The following ARRB1 variants were observed in gnomAD, a reference collection of about 807,000 sequenced individuals.
ARRB1 encodes the protein beta-arrestin-1.
In ARRB1, 21 loss-of-function variants were observed where a neutral mutation model predicts 56.8. That is an observed-to-expected ratio of 0.37 (90% CI 0.26 to 0.53). The LOEUF is 0.53. Among genes scored for constraint, ARRB1 ranks in the 20% least tolerant of loss-of-function variants. The pLI is 0.88. For synonymous variants in ARRB1, 210 were observed against 218.6 expected (o/e 0.96, Z 0.35); for missense variants, 424 against 553.7 (o/e 0.77, Z 2.35).
At chr11:75,317,037 C>T (rs1947277402) in intron 1 of ARRB1, among the ~76,000 whole-genome samples, 1 of 152,148 alleles carries the variant, frequency 6.6e-6, no homozygotes, top group Non-Finnish European at 1.5e-5. Flanking sequence ...CTACTGCCCT[C>T]CAGCCTGGGC....
chr11:75,325,378 G>A (rs1421143055), intron 1 of ARRB1, among the ~76,000 whole-genome samples: 2 of 152,226 alleles, frequency 1.3e-5, no homozygotes, highest in Non-Finnish European at 2.9e-5. Flanking sequence ...CTGGAGTGCA[G>A]TGGCACAATC....
At chr11:75,299,589 G>A (rs771944920) in intron 1 of ARRB1, among the ~76,000 whole-genome samples, 43 of 152,038 alleles carry the variant, frequency 2.8e-4, no homozygotes, top group Non-Finnish European at 5.9e-4. Context: ...CAGGCCTAAT[G>A]TATCGTATAC....
intron 13 of ARRB1, 81 bp downstream of exon 13, chr11:75,271,620 C>T: frequency 7.0e-7 from 1 of 1,427,122 alleles, no homozygotes; most frequent in Non-Finnish European, 9.5e-7. Context: ...AACCCAGTGC[C>T]CTGTGATTCT....
intron 1 of ARRB1, among the ~76,000 whole-genome samples, chr11:75,297,178 A>T (rs1946769893): frequency 6.6e-6 from 1 of 152,192 alleles, no homozygotes; most frequent in African/African-American, 2.4e-5. Flanking sequence ...AATCTTTATC[A>T]AATCGTAGCT....
chr11:75,327,825 G>T (rs1302356381), intron 1 of ARRB1, among the ~76,000 whole-genome samples: 1 of 152,120 alleles, frequency 6.6e-6, no homozygotes, highest in Non-Finnish European at 1.5e-5. Context: ...CTGACCTCAG[G>T]TGATCTGCCC....
chr11:75,289,114 G>A (rs1476987277), intron 2 of ARRB1, among the ~76,000 whole-genome samples: 3 of 152,176 alleles, frequency 2.0e-5, no homozygotes, highest in Non-Finnish European at 4.4e-5. Flanking sequence ...GTTATCTACT[G>A]TGGACACAGA....
At chr11:75,300,467 G>C (rs1441147556) in intron 1 of ARRB1, among the ~76,000 whole-genome samples, 1 of 152,126 alleles carries the variant, frequency 6.6e-6, no homozygotes, top group Non-Finnish European at 1.5e-5. Context: ...TCCAGCTCCA[G>C]AGACCACACT....
chr11:75,343,656 TGGAAA>T (rs1947722734), intron 1 of ARRB1, among the ~76,000 whole-genome samples: 1 of 152,168 alleles, frequency 6.6e-6, no homozygotes, highest in East Asian at 1.9e-4. Context: ...GAGCTGGGAC[TGGAAA>T]CCAGGAAATC....
chr11:75,316,462 C>T (rs1434439237), intron 1 of ARRB1, among the ~76,000 whole-genome samples: 1 of 152,148 alleles, frequency 6.6e-6, no homozygotes, highest in Non-Finnish European at 1.5e-5. Flanking sequence ...GCTAGAGGAA[C>T]TCCTAATTCA....
rs1947853194 is a variant in ARRB1, at chr11:75,351,638, C to A, written c.-31G>T. Reference sequence around the variant, plus strand: ...GCGACGGTCGCAGGGAGGTCCGCGGCGTCAGCGCCCAGGCTGGAAAATCCC... The same window carrying A: ...GCGACGGTCGCAGGGAGGTCCGCGGAGTCAGCGCCCAGGCTGGAAAATCCC... On this transcript the variant is annotated 5_prime_UTR_variant, in exon 1 of 16. Coordinates refer to ENST00000420843, the MANE Select transcript of ARRB1 (RefSeq NM_004041.5). 2 of 1,366,502 alleles carry A rather than the reference C, an allele frequency of 1.5e-6. No homozygotes were observed. The highest frequency in any genetic ancestry group is 3.3e-5 in the South Asian group (2 of 61,070). The allele number at this position is 1,366,502 out of a possible 1,614,324, so 84.6% of individuals were successfully genotyped here.
intron 1 of ARRB1, among the ~76,000 whole-genome samples, chr11:75,346,679 T>G (rs1172386810): frequency 6.6e-6 from 1 of 152,168 alleles, no homozygotes; most frequent in Admixed American, 6.5e-5. Flanking sequence ...CCCTGCTTCT[T>G]TGGCTCCAAG....
At chr11:75,331,284 T>C (rs1565143518) in intron 1 of ARRB1, among the ~76,000 whole-genome samples, 1 of 152,206 alleles carries the variant, frequency 6.6e-6, no homozygotes, top group Non-Finnish European at 1.5e-5. Flanking sequence ...GTGCTGGGAT[T>C]ACAGGGGTGA....
chr11:75,337,677 G>A (rs1002283402), intron 1 of ARRB1, among the ~76,000 whole-genome samples: 3 of 152,030 alleles, frequency 2.0e-5, no homozygotes, highest in Non-Finnish European at 2.9e-5. Context: ...AGTGCTAAGG[G>A]AGCCTGGAAG....
chr11:75,346,842 G>A lies in ARRB1; in HGVS notation c.20+4746C>T, dbSNP rs542864619. ...ATCCACATTTCCAAAGCCCTGCCTC[G>A]CACCTTGATTCTTACCCCAGGATCC... is the stretch of plus-strand genomic sequence containing the variant. On this transcript the variant is annotated intron_variant, in intron 1 of 15. Transcript: ENST00000420843. Among the ~76,000 whole-genome samples the A allele has an allele frequency of 7.6e-4, 115 of 152,144 alleles. 2 individuals carry two copies. The highest frequency in any genetic ancestry group is 2.4e-3 in the African/African-American group (100 of 41,510).
chr11:75,287,428 G>T, intron 2 of ARRB1, 53 bp from the exon 3 acceptor site: 1 of 1,537,198 alleles, frequency 6.5e-7, no homozygotes, highest in African/African-American at 1.4e-5. Context: ...AGAGGACACA[G>T]GACCCTGTCT....
chr11:75,294,413 C>T (rs1459279975), intron 1 of ARRB1, among the ~76,000 whole-genome samples: 5 of 151,752 alleles, frequency 3.3e-5, no homozygotes, highest in Non-Finnish European at 5.9e-5. Flanking sequence ...AAAAATTAGC[C>T]GGACATGGTG....
chr11:75,337,238 C>T (rs1270649354), intron 1 of ARRB1, among the ~76,000 whole-genome samples: 1 of 152,100 alleles, frequency 6.6e-6, no homozygotes, highest in East Asian at 1.9e-4. Flanking sequence ...ATCTCTTGAG[C>T]CCAGGAGTTT....
intron 1 of ARRB1, among the ~76,000 whole-genome samples, chr11:75,342,610 G>C (rs1229707537): frequency 6.6e-6 from 1 of 152,160 alleles, no homozygotes; most frequent in Non-Finnish European, 1.5e-5. Flanking sequence ...GCCAGACCCA[G>C]ATGTCCATCC....
At chr11:75,336,096 T>C (rs1947598981) in intron 1 of ARRB1, among the ~76,000 whole-genome samples, 1 of 152,116 alleles carries the variant, frequency 6.6e-6, no homozygotes, top group African/African-American at 2.4e-5. Context: ...CTGTCTCATC[T>C]CAGTCTGGCA....
Sources: gnomAD v4.1 joint callset for allele counts (sites outside exome capture counted in the v4.1 genomes callset) on GRCh38, gnomAD v4.1.1 for gene constraint, MANE v1.5 for transcripts, NCBI Gene and HGNC (gene_info 2026-07-23, HGNC 2026-07-21) for gene names.